PCNX2: variants seen among roughly 807,000 people sequenced by gnomAD.
PCNX2 encodes the protein pecanex-like protein 2.
In PCNX2, 168 loss-of-function variants were observed where a neutral mutation model predicts 223.8. That is an observed-to-expected ratio of 0.75 (90% CI 0.66 to 0.85). The LOEUF (loss-of-function observed/expected upper bound fraction) is 0.85, where lower values mean the gene tolerates loss of function less well. Among genes scored for constraint, PCNX2 ranks in the 40% least tolerant of loss-of-function variants. The pLI is 0.00. For missense variants in PCNX2, 2,507 were observed against 2,675.5 expected, an observed-to-expected ratio of 0.94 and a Z score of 1.39; for synonymous variants, 1,006 against 1,052.6, an observed-to-expected ratio of 0.96 and a Z score of 0.86.
the PCNX2 span, among the ~76,000 whole-genome samples, chr1:233,318,482 T>C: frequency 6.6e-6 from 1 of 152,016 alleles, no homozygotes; most frequent in Non-Finnish European, 1.5e-5. Context: ...ATAATCATTG[T>C]TCTGTGTCTC....
chr1:233,128,710 C>T (rs1676248081), intron 21 of PCNX2, among the ~76,000 whole-genome samples: 1 of 152,196 alleles, frequency 6.6e-6, no homozygotes, highest in Non-Finnish European at 1.5e-5. Flanking sequence ...GCTCCTGTAA[C>T]AGTCAATATT....
intron 21 of PCNX2, among the ~76,000 whole-genome samples, chr1:233,129,986 C>G (rs1352941678): frequency 6.6e-6 from 1 of 152,170 alleles, no homozygotes; most frequent in African/African-American, 2.4e-5. Flanking sequence ...CCTTTATGAG[C>G]TATAAGACTC....
At position 233,295,442 on chromosome 1, in the gene PCNX2, C is replaced by T; in HGVS notation, c.37G>A (p.Val13Met). 1 of 1,551,286 alleles carries T rather than the reference C, an allele frequency of 6.4e-7. No homozygotes were observed. Among genetic ancestry groups the T allele is most frequent in the Non-Finnish European group, 8.7e-7 (1 of 1,147,092 alleles). ...SQVLQLLRQG[V>M]WAALTGGWYH... is the part of the protein sequence containing the mutation. ...CAGCCCCCGGTGAGCGCGGCCCACA[C>T]GCCCTGCCGGAGCAGCTGCAGCACC... The change falls in exon 1 of 34, where the codon GTG becomes ATG. Residue 13 changes from valine to methionine, a missense_variant. Val to Met is a conservative substitution (Grantham distance 21). This residue lies in a region of PCNX2 where 1,031 missense variants were observed against 1,021.7 expected (regional missense o/e 1.01). Transcript: ENST00000258229. The surrounding 1 kb of genome is among the most constrained non-coding windows in gnomAD (Gnocchi z 4.1).
chr1:233,078,903 G>A (rs1297861104), intron 23 of PCNX2, among the ~76,000 whole-genome samples: 2 of 152,136 alleles, frequency 1.3e-5, no homozygotes, highest in African/African-American at 4.8e-5. Context: ...CATACCTCAC[G>A]TGTCAAACCT....
intron 22 of PCNX2, among the ~76,000 whole-genome samples, chr1:233,093,055 T>C (rs1673967702): frequency 6.6e-6 from 1 of 152,138 alleles, no homozygotes. Context: ...CTCCTTGGCC[T>C]CCCAAAGTGC....
chr1:233,137,510 T>C (rs567626581), intron 20 of PCNX2, among the ~76,000 whole-genome samples: 3 of 152,396 alleles, frequency 2.0e-5, no homozygotes, highest in East Asian at 3.9e-4. Context: ...AAAGGTGTTT[T>C]GGTCTTTATT....
In PCNX2 at chr1:233,001,627, T is replaced by C. The variant is rs1350428308; in HGVS notation, c.5007A>G (p.Ile1669Met). The C allele has an allele frequency of 6.3e-7, 1 of 1,593,026 alleles. No homozygotes were observed. The highest frequency in any genetic ancestry group is 1.7e-5 in the Admixed American group (1 of 58,376). ...LHVLFKGDFR[I>M]TARDEWVFAD... ...CAAATACCCACTCGTCACGTGCTGT[T>C]ATTCTGAAGTCACCTTTGAAGAGGA... is the stretch of plus-strand genomic sequence containing the variant. The change falls in exon 29 of 34, where the codon ATA (isoleucine) becomes ATG (methionine). Residue 1669 changes from isoleucine to methionine, a missense_variant. This residue lies in a region of PCNX2 where 1,372 missense variants were observed against 1,509.4 expected (regional missense o/e 0.91). Transcript: ENST00000258229. This position sits in a 1 kb window ranked among gnomAD's most constrained non-coding sequence, Gnocchi z 4.2.
At chr1:233,004,116 GT>G in intron 28 of PCNX2, among the ~76,000 whole-genome samples, 1 of 151,648 alleles carries the variant, frequency 6.6e-6, no homozygotes. Flanking sequence ...TTCTGCACAT[GT>G]ATCCCAGAAC....
At chr1:233,196,450 A>C (rs188339198) in intron 15 of PCNX2, among the ~76,000 whole-genome samples, 103 of 152,206 alleles carry the variant, frequency 6.8e-4, no homozygotes, top group African/African-American at 2.4e-3. Context: ...TGAAAAAAAA[A>C]ATGTGTGTAG....
intron 14 of PCNX2, 37 bp from the exon 15 acceptor site, chr1:233,199,067 G>C: frequency 2.0e-6 from 3 of 1,515,900 alleles, no homozygotes; most frequent in Non-Finnish European, 2.7e-6. Context: ...TTCTAGACCC[G>C]CCATTCTTAA....
At position 233,292,198 on chromosome 1, in the gene PCNX2, C is replaced by CT. The variant is rs1360464529; in HGVS notation, c.153+3127dup. Among the ~76,000 whole-genome samples the CT allele has an allele frequency of 4.1e-3, 552 of 134,054 alleles. 4 individuals carry two copies. The highest frequency in any genetic ancestry group is 0.018 in the East Asian group (79 of 4,426). 87.9% of individuals were successfully genotyped at this position (134,054 alleles called of 152,430 possible). Reference sequence around the variant, plus strand: ...TTCAATAGTGAAACTTTCTTTCTTTCTTTCTTTTTTTTTTTTTTTTTTTTT... The same window carrying CT: ...TTCAATAGTGAAACTTTCTTTCTTTCTTTTCTTTTTTTTTTTTTTTTTTTTT... On this transcript the variant is annotated intron_variant, in intron 1 of 33. Coordinates refer to ENST00000258229, the MANE Select transcript of PCNX2 (RefSeq NM_014801.4).
intron 25 of PCNX2, among the ~76,000 whole-genome samples, chr1:233,038,645 A>G (rs1671540136): frequency 6.6e-6 from 1 of 152,206 alleles, no homozygotes; most frequent in Admixed American, 6.5e-5. Context: ...AAGATTACTC[A>G]ATTTGTAAGA....
intron 25 of PCNX2, chr1:233,033,264 TA>T (rs1302103150): frequency 2.2e-6 from 2 of 909,644 alleles, no homozygotes; most frequent in Admixed American, 6.2e-5. Context: ...CAAGAAGGAA[TA>T]AACTTAATCT....
intron 25 of PCNX2, among the ~76,000 whole-genome samples, chr1:233,037,790 A>G (rs74424208): frequency 0.024 from 3,730 of 152,298 alleles, 157 homozygotes; most frequent in African/African-American, 0.084. Context: ...GGAGCCTCAC[A>G]TTCTTTAAGA....
rs187716664 is a variant in PCNX2 at position 233,249,752 on chromosome 1, T to A, written c.2222+987A>T. Among the ~76,000 whole-genome samples the A allele has an allele frequency of 4.0e-3, 612 of 152,282 alleles. 5 individuals carry two copies. The highest frequency in any genetic ancestry group is 0.014 in the African/African-American group (583 of 41,550). On this transcript the variant is annotated intron_variant, in intron 8 of 33. Transcript: ENST00000258229. Reference sequence around the variant, plus strand: ...AGAGAGCCATCACCTACGGTTCCCATCAGACCTACCTGAATGGCACTAGCA... The same window carrying A: ...AGAGAGCCATCACCTACGGTTCCCAACAGACCTACCTGAATGGCACTAGCA...
chr1:233,316,450 G>C, the PCNX2 span, among the ~76,000 whole-genome samples: 1 of 152,020 alleles, frequency 6.6e-6, no homozygotes, highest in South Asian at 2.1e-4. Context: ...TGAAGCTCAA[G>C]ACCCCACATC....
chr1:233,015,144 G>A (rs1040984072), intron 27 of PCNX2, among the ~76,000 whole-genome samples: 2 of 152,180 alleles, frequency 1.3e-5, no homozygotes, highest in African/African-American at 4.8e-5. Flanking sequence ...TGGTCTAGCA[G>A]GGAGAGAAAA....
At chr1:233,164,985 T>C (rs1340716012) in intron 17 of PCNX2, among the ~76,000 whole-genome samples, 1 of 152,194 alleles carries the variant, frequency 6.6e-6, no homozygotes, top group Non-Finnish European at 1.5e-5. Flanking sequence ...AGTAACAATA[T>C]CATAATGTGT....
intron 25 of PCNX2, among the ~76,000 whole-genome samples, chr1:233,031,451 G>T (rs1419586042): frequency 6.6e-6 from 1 of 152,162 alleles, no homozygotes; most frequent in Non-Finnish European, 1.5e-5. Flanking sequence ...GTCTGAACAG[G>T]CACCAATTGA....
Sources: allele counts gnomAD v4.1 joint callset (sites outside exome capture counted in the v4.1 genomes callset), GRCh38; gene constraint gnomAD v4.1.1; regional missense constraint gnomAD v4.1.1; non-coding constraint Gnocchi (gnomAD v3.1); transcripts MANE v1.5; gene names NCBI Gene and HGNC (gene_info 2026-07-23, HGNC 2026-07-21).